Variants in CNTLN observed in about 807,000 individuals in gnomAD.
The protein encoded by CNTLN is centlein.
CNTLN carries 212 observed loss-of-function variants against 180.0 expected under a neutral mutation model. The observed-to-expected ratio is 1.18, with a 90% CI of 1.05 to 1.32. The LOEUF (loss-of-function observed/expected upper bound fraction) is 1.32, where lower values mean the gene tolerates loss of function less well. CNTLN is among the 40% of genes most tolerant of loss of function. The pLI is 0.00. For synonymous variants in CNTLN, 722 were observed against 563.1 expected, an observed-to-expected ratio of 1.28 and a Z score of -3.99; for missense variants, 2,095 against 1,610.9, an observed-to-expected ratio of 1.30 and a Z score of -5.14.
intron 6 of CNTLN, among the ~76,000 whole-genome samples, chr9:17,295,969 T>TGAGAGAGA (rs113148833): frequency 2.6e-3 from 311 of 119,756 alleles, no homozygotes; most frequent in African/African-American, 9.7e-3. Context: ...TACTCTTCAG[T>TGAGAGAGA]GAGAGAGAGA....
intron 14 of CNTLN, among the ~76,000 whole-genome samples, chr9:17,389,704 T>G (rs1825948495): frequency 6.8e-6 from 1 of 147,538 alleles, no homozygotes. Context: ...AGTAATAAGA[T>G]GAAAACAATA....
In CNTLN at chr9:17,366,676, C is replaced by A. The variant is rs201258471; in HGVS notation, c.1946C>A (p.Ala649Glu). ...GTACATATATCTATTGATAAGGCAGCAATACAAGAATTGAATAGATGTGTG... is the reference window on the plus strand; with the variant it reads ...GTACATATATCTATTGATAAGGCAGAAATACAAGAATTGAATAGATGTGTG... ...LKVHISIDKA[A>E]IQELNRCVAE... Residue 649 changes from alanine to glutamate, a missense_variant, in exon 13 of 26, where the codon GCA (alanine) becomes GAA (glutamate). Coordinates refer to ENST00000380647, the MANE Select transcript of CNTLN (RefSeq NM_017738.4). The A allele has an allele frequency of 1.3e-6, 2 of 1,585,552 alleles. No homozygotes were observed. Among genetic ancestry groups the A allele is most frequent in the South Asian group, 1.1e-5 (1 of 87,710 alleles).
intron 2 of CNTLN, among the ~76,000 whole-genome samples, chr9:17,224,785 A>T (rs1043234786): frequency 6.6e-6 from 1 of 151,652 alleles, no homozygotes; most frequent in African/African-American, 2.4e-5. Flanking sequence ...CCTTTAACTT[A>T]CTTATTGTAG....
At chr9:17,188,557 A>G (rs923485663) in intron 2 of CNTLN, among the ~76,000 whole-genome samples, 2 of 152,178 alleles carry the variant, frequency 1.3e-5, no homozygotes, top group Non-Finnish European at 2.9e-5. Context: ...ATCCTCATTT[A>G]TGAAGCAGTA....
At chr9:17,341,904 T>C (rs1007900209) in intron 11 of CNTLN, among the ~76,000 whole-genome samples, 1 of 152,192 alleles carries the variant, frequency 6.6e-6, no homozygotes, top group African/African-American at 2.4e-5. Flanking sequence ...ATCTACTTTC[T>C]GACATATTCA....
chr9:17,221,652 T>A (rs902562070), intron 2 of CNTLN, among the ~76,000 whole-genome samples: 1 of 152,046 alleles, frequency 6.6e-6, no homozygotes, highest in African/African-American at 2.4e-5. Flanking sequence ...ATGACAATGA[T>A]CTTGTATAAA....
intron 12 of CNTLN, among the ~76,000 whole-genome samples, chr9:17,360,692 G>A (rs758501252): frequency 2.0e-5 from 3 of 152,094 alleles, no homozygotes; most frequent in Non-Finnish European, 4.4e-5. Flanking sequence ...TCAGAAATAG[G>A]TTCTTTAGTT....
At position 17,291,084 on chromosome 9, in the gene CNTLN, G is replaced by T. The variant is rs371819153; in HGVS notation, c.984-7106G>T. Reference sequence around the variant, plus strand: ...ATACCCAGGAGTCATTCAGGAGCAGGTTGTTCAGTTTCCATGTAGTTGTGT... The same window carrying T: ...ATACCCAGGAGTCATTCAGGAGCAGTTTGTTCAGTTTCCATGTAGTTGTGT... On this transcript the variant is annotated intron_variant, in intron 6 of 25. Coordinates refer to ENST00000380647, the MANE Select transcript of CNTLN (RefSeq NM_017738.4). Among the ~76,000 whole-genome samples, 35 of 152,282 alleles carry T rather than the reference G, an allele frequency of 2.3e-4. No homozygotes were observed. In the South Asian group the frequency reaches 6.8e-3, roughly 30 times the overall value.
intron 5 of CNTLN, among the ~76,000 whole-genome samples, chr9:17,270,716 A>G (rs1827872039): frequency 6.6e-6 from 1 of 152,130 alleles, no homozygotes; most frequent in Admixed American, 6.6e-5. Context: ...TTAGGACCAG[A>G]TAAGGTGTTT....
intron 5 of CNTLN, among the ~76,000 whole-genome samples, chr9:17,263,699 C>A (rs1354204903): frequency 2.8e-5 from 4 of 141,820 alleles, no homozygotes; most frequent in African/African-American, 1.1e-4. Flanking sequence ...TCCTCTCCAG[C>A]CCCTGTTGTT....
At chr9:17,430,621 A>G (rs1040992185) in intron 18 of CNTLN, among the ~76,000 whole-genome samples, 23 of 152,140 alleles carry the variant, frequency 1.5e-4, no homozygotes, top group Middle Eastern at 3.4e-3. Flanking sequence ...TAGTTGCCCT[A>G]CTGTACTACT....
At chr9:17,327,212 C>CTT (rs1820353227) in intron 8 of CNTLN, among the ~76,000 whole-genome samples, 1 of 99,126 alleles carries the variant, frequency 1.0e-5, no homozygotes. Context: ...TAGTAGTTAA[C>CTT]CTTTTTTTTT....
At chr9:17,367,335 C>A (rs140735707) in intron 13 of CNTLN, among the ~76,000 whole-genome samples, 1 of 152,168 alleles carries the variant, frequency 6.6e-6, no homozygotes, top group African/African-American at 2.4e-5. Flanking sequence ...ATCACCCATC[C>A]CAGTGGTTGG....
chr9:17,229,857 G>A (rs1374606053), intron 3 of CNTLN, among the ~76,000 whole-genome samples: 2 of 152,088 alleles, frequency 1.3e-5, no homozygotes, highest in African/African-American at 4.8e-5. Context: ...TCCACTGTTC[G>A]CTGTGGTATG....
intron 25 of CNTLN, among the ~76,000 whole-genome samples, chr9:17,494,210 G>A (rs1213134317): frequency 6.6e-6 from 1 of 152,128 alleles, no homozygotes; most frequent in African/African-American, 2.4e-5. Flanking sequence ...AAGCATATCT[G>A]TTTGCTAGAT....
chr9:17,352,238 A>G (rs974106512), intron 12 of CNTLN, among the ~76,000 whole-genome samples: 1 of 151,932 alleles, frequency 6.6e-6, no homozygotes, highest in Non-Finnish European at 1.5e-5. Flanking sequence ...TTGGGGTTAA[A>G]TATTAAATAT....
the CNTLN span, among the ~76,000 whole-genome samples, chr9:17,520,353 G>T: frequency 6.6e-6 from 1 of 152,320 alleles, no homozygotes; most frequent in Middle Eastern, 3.4e-3. Context: ...TACTGGGAGC[G>T]TGGGGCTGAA....
chr9:17,340,902 A>G lies in CNTLN; in HGVS notation c.1720A>G (p.Arg574Gly). ...GCTACAGATGTTACAGACCAACTAC[A>G]GAGCAGTAAAAGAGCAATTAAAACA... ...ERLQMLQTNYRAVKEQLKQWE... is the reference protein window; with the variant it reads ...ERLQMLQTNYGAVKEQLKQWE... The change falls in exon 11 of 26, where the codon AGA becomes GGA. Residue 574 changes from arginine to glycine, a missense_variant. Transcript: ENST00000380647. 2 of 1,612,424 alleles carry G rather than the reference A, an allele frequency of 1.2e-6. No homozygotes were observed. Among genetic ancestry groups the G allele is most frequent in the African/African-American group, 1.3e-5 (1 of 74,972 alleles).
intron 25 of CNTLN, among the ~76,000 whole-genome samples, chr9:17,494,465 A>G (rs1486018185): frequency 1.3e-5 from 2 of 152,138 alleles, no homozygotes; most frequent in Non-Finnish European, 2.9e-5. Flanking sequence ...TATTTCATCA[A>G]CCAGGTACTA....
Sources: gnomAD v4.1 joint callset for allele counts (sites outside exome capture counted in the v4.1 genomes callset) on GRCh38, gnomAD v4.1.1 for gene constraint, MANE v1.5 for transcripts, NCBI Gene and HGNC (gene_info 2026-07-23, HGNC 2026-07-21) for gene names.